Variants in DLGAP4 observed in about 807,000 individuals in gnomAD.
The protein encoded by DLGAP4 is DLG associated protein 4.
DLGAP4 carries 18 observed loss-of-function variants against 86.9 expected under a neutral mutation model. The observed-to-expected ratio is 0.21, with a 90% CI of 0.14 to 0.31. The LOEUF (loss-of-function observed/expected upper bound fraction) is 0.31, where lower values mean the gene tolerates loss of function less well. Among genes scored for constraint, DLGAP4 ranks in the 10% least tolerant of loss-of-function variants. DLGAP4 has a pLI of 1.00. For missense variants in DLGAP4, 1,085 were observed against 1,362.6 expected, an observed-to-expected ratio of 0.80 and a Z score of 3.21; for synonymous variants, 548 against 574.3, an observed-to-expected ratio of 0.95 and a Z score of 0.65.
rs1328322830 is a variant in DLGAP4 at position 36,500,774 on chromosome 20, A to G, written c.2512+163A>G. Among the ~76,000 whole-genome samples, 3 of 152,138 alleles carry G rather than the reference A, an allele frequency of 2.0e-5. No homozygotes were observed. The highest frequency in any genetic ancestry group is 4.4e-5 in the Non-Finnish European group (3 of 68,036). On this transcript the variant is annotated intron_variant, in intron 10 of 12. Coordinates refer to ENST00000339266, the MANE Select transcript of DLGAP4 (RefSeq NM_001365621.2). The surrounding 1 kb of genome is among the most constrained non-coding windows in gnomAD (Gnocchi z 4.6). ...TTACTTTCTTCGCATTCTTCCATCC[A>G]TCCACCTATTTAACCAAACCTCTTT...
intron 1 of DLGAP4, among the ~76,000 whole-genome samples, chr20:36,309,352 GAGA>G (rs1350301373): frequency 1.3e-5 from 2 of 152,194 alleles, no homozygotes; most frequent in African/African-American, 2.4e-5. Flanking sequence ...CTCTGGTGCT[GAGA>G]AGATGTCTTG....
chr20:36,514,242 C>T (rs533180674), intron 10 of DLGAP4, among the ~76,000 whole-genome samples: 10 of 152,080 alleles, frequency 6.6e-5, no homozygotes, highest in African/African-American at 1.9e-4. Flanking sequence ...ACATAAAGGG[C>T]CATTTTGGTG....
chr20:36,507,826 A>G (rs1045791074), intron 10 of DLGAP4: 6 of 152,250 alleles, frequency 3.9e-5, no homozygotes, highest in African/African-American at 1.2e-4. Context: ...GGAAGGCTCA[A>G]GGGCTTGGGG....
At chr20:36,326,485 C>T (rs529291254) in intron 1 of DLGAP4, among the ~76,000 whole-genome samples, 13 of 152,290 alleles carry the variant, frequency 8.5e-5, no homozygotes, top group South Asian at 2.1e-4. Flanking sequence ...ATCACAATAG[C>T]ATACTTCCAT....
At chr20:36,454,725 T>C (rs1427621552) in intron 7 of DLGAP4, among the ~76,000 whole-genome samples, 2 of 152,226 alleles carry the variant, frequency 1.3e-5, no homozygotes, top group Non-Finnish European at 2.9e-5. Flanking sequence ...CAGAGGCATC[T>C]GTGCACTCAG....
intron 5 of DLGAP4, 120 bp from the exon 6 acceptor site, chr20:36,442,607 A>C (rs2033479401): frequency 9.1e-7 from 1 of 1,098,396 alleles, no homozygotes; most frequent in East Asian, 2.4e-5. Flanking sequence ...GCTGTGTCCC[A>C]GCCAGTCTGG....
At chr20:36,349,995 T>A (rs1185902966) in intron 1 of DLGAP4, among the ~76,000 whole-genome samples, 1 of 152,106 alleles carries the variant, frequency 6.6e-6, no homozygotes, top group African/African-American at 2.4e-5. Flanking sequence ...GGCACAGCTG[T>A]GCTGATGCCG....
intron 5 of DLGAP4, among the ~76,000 whole-genome samples, chr20:36,441,906 C>T (rs986056545): frequency 1.1e-4 from 17 of 152,182 alleles, no homozygotes; most frequent in African/African-American, 3.1e-4. Context: ...CACAAAAAGG[C>T]TTATTAATCG....
At chr20:36,450,343 C>T (rs895348560) in intron 7 of DLGAP4, among the ~76,000 whole-genome samples, 1 of 152,104 alleles carries the variant, frequency 6.6e-6, no homozygotes, top group Non-Finnish European at 1.5e-5. Context: ...ACTAAAAATA[C>T]AAAAATTAGC....
At chr20:36,525,792 G>GC (rs2037719001) in intron 11 of DLGAP4, 59 bp from the exon 12 acceptor site, 2 of 1,596,420 alleles carry the variant, frequency 1.3e-6, no homozygotes, top group African/African-American at 2.7e-5. Flanking sequence ...TTGGGGGGTT[G>GC]GGGGGAGCAG....
chr20:36,462,714 G>A, intron 7 of DLGAP4: 1 of 1,377,804 alleles, frequency 7.3e-7, no homozygotes, highest in South Asian at 1.5e-5. Flanking sequence ...GGGGCTCTGA[G>A]GCCTCCCACA....
At chr20:36,501,933 A>G (rs2036160332) in intron 10 of DLGAP4, among the ~76,000 whole-genome samples, 1 of 152,228 alleles carries the variant, frequency 6.6e-6, no homozygotes, top group Non-Finnish European at 1.5e-5. Flanking sequence ...GAGCATTAAA[A>G]GGCTTCTAAG....
intron 10 of DLGAP4, among the ~76,000 whole-genome samples, chr20:36,502,755 G>C (rs1177686164): frequency 6.6e-6 from 1 of 151,918 alleles, no homozygotes; most frequent in Non-Finnish European, 1.5e-5. Context: ...AGACAGTCTT[G>C]CTCTGTCGCC....
chr20:36,447,906 G>GA (rs1289873501), intron 7 of DLGAP4, among the ~76,000 whole-genome samples: 1 of 129,276 alleles, frequency 7.7e-6, no homozygotes, highest in Non-Finnish European at 1.7e-5. Flanking sequence ...GGGGGTGGGG[G>GA]GGGGGGAGAC....
intron 2 of DLGAP4, among the ~76,000 whole-genome samples, chr20:36,383,980 T>A: frequency 8.0e-6 from 1 of 125,116 alleles, no homozygotes. Context: ...CGAGACTCCG[T>A]CTCAAAAAAA....
At chr20:36,409,965 C>G (rs1285267281) in intron 2 of DLGAP4, among the ~76,000 whole-genome samples, 1 of 148,558 alleles carries the variant, frequency 6.7e-6, no homozygotes, top group South Asian at 2.2e-4. Flanking sequence ...ACCCGGGAGG[C>G]GGAGCTTGCA....
chr20:36,356,055 A>T (rs12480431), intron 1 of DLGAP4, among the ~76,000 whole-genome samples: 31,250 of 152,206 alleles, frequency 0.21, 4,321 homozygotes, highest in Non-Finnish European at 0.31. Flanking sequence ...GACTCTTAGG[A>T]CTGGCGCTGG....
intron 2 of DLGAP4, among the ~76,000 whole-genome samples, chr20:36,370,910 G>T (rs1163450448): frequency 2.0e-5 from 3 of 152,208 alleles, no homozygotes; most frequent in Non-Finnish European, 4.4e-5. Context: ...CTCACTGGAT[G>T]GGGGGCCAAA....
chr20:36,489,855 C>CT (rs764797081), intron 7 of DLGAP4, among the ~76,000 whole-genome samples: 6,513 of 107,968 alleles, frequency 0.06, 307 homozygotes, highest in African/African-American at 0.075. Context: ...GCTAATTCTT[C>CT]TTTTTTTTTT....
Sources: gnomAD v4.1 joint callset for allele counts (sites outside exome capture counted in the v4.1 genomes callset) on GRCh38, gnomAD v4.1.1 for gene constraint, Gnocchi (gnomAD v3.1) non-coding constraint, MANE v1.5 for transcripts, NCBI Gene and HGNC (gene_info 2026-07-23, HGNC 2026-07-21) for gene names.